The following NAA15 variants were observed in gnomAD, a reference collection of about 807,000 sequenced individuals.
The protein encoded by NAA15 is N-terminal acetyltransferase.
A neutral mutation model predicts 114.0 loss-of-function variants in NAA15; 34 were observed. The ratio of observed to expected loss-of-function variants is 0.30; its 90% confidence interval spans 0.23 to 0.40. NAA15 has a LOEUF of 0.40. Among genes scored for constraint, NAA15 ranks in the 10% least tolerant of loss-of-function variants. The probability of loss-of-function intolerance (pLI) is 1.00; values close to 1 mark genes in which losing one functional copy is unlikely to be tolerated. For synonymous variants in NAA15, 340 were observed against 338.0 expected (o/e 1.01, Z -0.06); for missense variants, 658 against 1,004.5 (o/e 0.66, Z 4.66).
intron 17 of NAA15, among the ~76,000 whole-genome samples, chr4:139,383,925 G>C (rs1445399066): frequency 2.0e-5 from 3 of 152,210 alleles, no homozygotes; most frequent in Non-Finnish European, 4.4e-5. Context: ...TATAGAGGAA[G>C]ATAGGGAGGG....
At chr4:139,376,580 C>G (rs1259672766) in intron 16 of NAA15, 107 bp downstream of exon 16, 7 of 708,270 alleles carry the variant, frequency 9.9e-6, no homozygotes, top group Non-Finnish European at 1.7e-5. Flanking sequence ...TTAGCAAATG[C>G]CAACGCAGCT....
chr4:139,344,161 C>A, intron 5 of NAA15, 25 bp from the exon 6 acceptor site: 2 of 1,539,962 alleles, frequency 1.3e-6, no homozygotes, highest in South Asian at 1.2e-5. Context: ...TTCTTACTGT[C>A]AGTATTCCTT....
chr4:139,352,131 C>T (rs1217197967), intron 9 of NAA15, among the ~76,000 whole-genome samples: 2 of 151,792 alleles, frequency 1.3e-5, no homozygotes. Flanking sequence ...TCTTTTGAGA[C>T]TGAGTCTTGC....
At chr4:139,320,819 C>T (rs1191553463) in intron 1 of NAA15, among the ~76,000 whole-genome samples, 1 of 152,120 alleles carries the variant, frequency 6.6e-6, no homozygotes, top group East Asian at 1.9e-4. Context: ...CTGCGTCTGG[C>T]CTCCCTGGTG....
chr4:139,324,720 T>C (rs979992285), intron 1 of NAA15, among the ~76,000 whole-genome samples: 1 of 152,088 alleles, frequency 6.6e-6, no homozygotes, highest in Admixed American at 6.6e-5. Flanking sequence ...TCACCAGAGG[T>C]TGGAGTTCAA....
At position 139,346,418 on chromosome 4, in the gene NAA15, T is replaced by C. The variant is rs1390445964; in HGVS notation, c.691+2079T>C. Among the ~76,000 whole-genome samples the C allele has an allele frequency of 3.3e-5, 5 of 152,236 alleles. No homozygotes were observed. The East Asian group carries it at 5.8e-4, about 18-fold the overall frequency. On this transcript the variant is annotated intron_variant, in intron 6 of 19. Transcript: ENST00000296543. Reference sequence around the variant, plus strand: ...AAGGGAAGTGAGGGTAGAATCAATCTTTGGAAATTCTAGCAATCTTTAGAA... The same window carrying C: ...AAGGGAAGTGAGGGTAGAATCAATCCTTGGAAATTCTAGCAATCTTTAGAA...
chr4:139,370,167 A>G (rs747356552), intron 14 of NAA15, 44 bp from the exon 15 acceptor site: 36 of 1,380,974 alleles, frequency 2.6e-5, no homozygotes, highest in Admixed American at 1.1e-4. Flanking sequence ...TACTAATCTG[A>G]TTAACATGCT....
At chr4:139,384,242 C>A (rs1748830246) in intron 17 of NAA15, among the ~76,000 whole-genome samples, 1 of 152,124 alleles carries the variant, frequency 6.6e-6, no homozygotes, top group Non-Finnish European at 1.5e-5. Context: ...TTTGGGAGGC[C>A]AAGGTGAACA....
chr4:139,344,392 G>A, intron 6 of NAA15, 53 bp downstream of exon 6: 1 of 1,466,658 alleles, frequency 6.8e-7, no homozygotes, highest in Non-Finnish European at 9.3e-7. Context: ...GACAGAGCAA[G>A]GCTGAAAAAT....
intron 1 of NAA15, among the ~76,000 whole-genome samples, chr4:139,305,542 T>G (rs1212430544): frequency 1.3e-5 from 2 of 151,448 alleles, no homozygotes; most frequent in Non-Finnish European, 2.9e-5. Context: ...ACTTGTTGTT[T>G]TTTTTTTTTT....
At position 139,384,889 on chromosome 4, in the gene NAA15, T is replaced by C. The variant is rs770754953; in HGVS notation, c.2213T>C (p.Met738Thr). 1.3e-6 allele frequency: 2 copies of C among 1,554,286 alleles called. No homozygotes were observed. Among genetic ancestry groups the C allele is most frequent in the East Asian group, 2.4e-5 (1 of 42,218 alleles). Residue 738 changes from methionine to threonine, a missense_variant, in exon 18 of 20, where the codon ATG (methionine) becomes ACG (threonine). Physicochemically the swap from Met to Thr is moderately conservative, Grantham distance 81. Coordinates refer to ENST00000296543, the MANE Select transcript of NAA15 (RefSeq NM_057175.5). Reference protein sequence around the residue: ...DTVRTVLKQEMNRLFGATNPK... With the variant: ...DTVRTVLKQETNRLFGATNPK... ...GTTAGAACAGTATTAAAACAAGAAATGAATCGTCTTTTTGGAGCAACGAAT... is the reference window on the plus strand; with the variant it reads ...GTTAGAACAGTATTAAAACAAGAAACGAATCGTCTTTTTGGAGCAACGAAT...
chr4:139,364,065 A>G (rs1003724815), intron 14 of NAA15, among the ~76,000 whole-genome samples: 2 of 152,144 alleles, frequency 1.3e-5, no homozygotes, highest in East Asian at 1.9e-4. Context: ...TTGTAGAGAC[A>G]TGGTCTTGCC....
intron 9 of NAA15, 76 bp downstream of exon 9, chr4:139,351,687 C>G (rs992098064): frequency 6.3e-6 from 5 of 799,690 alleles, no homozygotes; most frequent in Admixed American, 3.7e-5. Context: ...TCTTGATTAT[C>G]TCTGCACAGT....
intron 9 of NAA15, among the ~76,000 whole-genome samples, chr4:139,352,688 A>G (rs1237407093): frequency 9.5e-6 from 1 of 105,748 alleles, no homozygotes; most frequent in Non-Finnish European, 1.8e-5. Flanking sequence ...TTTTTTTGAG[A>G]CGGAGTTTCA....
At chr4:139,337,479 C>T (rs1747237258) in intron 3 of NAA15, among the ~76,000 whole-genome samples, 1 of 152,124 alleles carries the variant, frequency 6.6e-6, no homozygotes, top group African/African-American at 2.4e-5. Context: ...TGGGGATAAT[C>T]ATACCCACCT....
intron 1 of NAA15, among the ~76,000 whole-genome samples, chr4:139,309,208 C>T (rs1309606351): frequency 1.3e-5 from 2 of 151,428 alleles, no homozygotes; most frequent in Non-Finnish European, 2.9e-5. Flanking sequence ...CTTAGCTGGG[C>T]GTGGTTGCAG....
chr4:139,358,564 A>G (rs901618162), intron 11 of NAA15, among the ~76,000 whole-genome samples: 12 of 152,132 alleles, frequency 7.9e-5, no homozygotes, highest in East Asian at 5.8e-4. Context: ...TTTTAAAAAA[A>G]TTATACTTTA....
chr4:139,376,397 T>G lies in NAA15; in HGVS notation c.1980T>G (p.Phe660Leu), dbSNP rs1490186327. 3 of 1,612,282 alleles carry G rather than the reference T, an allele frequency of 1.9e-6. No homozygotes were observed. The highest frequency in any genetic ancestry group is 2.5e-6 in the Non-Finnish European group (3 of 1,178,686). The change falls in exon 16 of 20, where the codon TTT becomes TTG. Residue 660 changes from phenylalanine (F) to leucine (L), a missense_variant. By Grantham distance (22) the Phe-to-Leu change is conservative. Transcript: ENST00000296543. ...CTCCATTGGAAGAAGCTATTAAATTTTTAACACCGTTGAAGAACTTGGTGA... is the reference window on the plus strand; with the variant it reads ...CTCCATTGGAAGAAGCTATTAAATTGTTAACACCGTTGAAGAACTTGGTGA... ...VETPLEEAIK[F>L]LTPLKNLVKN...
chr4:139,317,970 A>G (rs980359205), intron 1 of NAA15, among the ~76,000 whole-genome samples: 1 of 152,240 alleles, frequency 6.6e-6, no homozygotes, highest in African/African-American at 2.4e-5. Flanking sequence ...TCATGCTACA[A>G]AGTAAATGAA....
Sources: gnomAD v4.1 joint callset for allele counts (sites outside exome capture counted in the v4.1 genomes callset) on GRCh38, gnomAD v4.1.1 for gene constraint, MANE v1.5 for transcripts, NCBI Gene and HGNC (gene_info 2026-07-23, HGNC 2026-07-21) for gene names.